Variants in OR10J1 observed in about 807,000 individuals in gnomAD.
OR10J1 encodes olfactory receptor 10J1.
For synonymous variants in OR10J1, 202 were observed against 143.8 expected, an observed-to-expected ratio of 1.40 and a Z score of -2.89; for missense variants, 474 against 376.6, an observed-to-expected ratio of 1.26 and a Z score of -2.14.
At chr1:159,398,522 A>G in the OR10J1 span, among the ~76,000 whole-genome samples, 1 of 152,186 alleles carries the variant, frequency 6.6e-6, no homozygotes, top group Non-Finnish European at 1.5e-5. Flanking sequence ...ACAGGGAAGG[A>G]ATTCAGAATT....
chr1:159,418,186 A>G, the OR10J1 span, among the ~76,000 whole-genome samples: 1 of 152,222 alleles, frequency 6.6e-6, no homozygotes, highest in African/African-American at 2.4e-5. Context: ...GAGAAATTCA[A>G]GCCAGCTGGA....
the OR10J1 span, among the ~76,000 whole-genome samples, chr1:159,416,429 A>G: frequency 6.8e-6 from 1 of 147,818 alleles, no homozygotes; most frequent in African/African-American, 2.5e-5. Context: ...ATCTATTGAG[A>G]TGATCATATT....
At chr1:159,427,945 C>G in the OR10J1 span, among the ~76,000 whole-genome samples, 1 of 151,988 alleles carries the variant, frequency 6.6e-6, no homozygotes, top group Non-Finnish European at 1.5e-5. Flanking sequence ...GAATAAAAAG[C>G]ATATGATTAT....
chr1:159,435,248 C>G (rs1445582568), upstream of OR10J1, among the ~76,000 whole-genome samples: 1 of 152,102 alleles, frequency 6.6e-6, no homozygotes, highest in Non-Finnish European at 1.5e-5. Context: ...TTATGCCCTC[C>G]TTACTGACCT....
chr1:159,438,793 G>A (rs1000355494), upstream of OR10J1, among the ~76,000 whole-genome samples: 1 of 152,164 alleles, frequency 6.6e-6, no homozygotes, highest in Non-Finnish European at 1.5e-5. Context: ...GAAGCTTACT[G>A]TTTAAAGAGA....
chr1:159,422,138 T>G, the OR10J1 span, among the ~76,000 whole-genome samples: 1 of 152,138 alleles, frequency 6.6e-6, no homozygotes, highest in African/African-American at 2.4e-5. Flanking sequence ...TGCCAAACAC[T>G]GTTAGGCTGG....
At chr1:159,408,102 G>C in the OR10J1 span, among the ~76,000 whole-genome samples, 1 of 152,040 alleles carries the variant, frequency 6.6e-6, no homozygotes, top group Non-Finnish European at 1.5e-5. Context: ...GCAGCATCAA[G>C]TATGAGGGCC....
chr1:159,398,533 C>T, the OR10J1 span, among the ~76,000 whole-genome samples: 2 of 152,060 alleles, frequency 1.3e-5, no homozygotes, highest in Non-Finnish European at 2.9e-5. Context: ...ATTCAGAATT[C>T]AATCAGATAT....
the OR10J1 span, among the ~76,000 whole-genome samples, chr1:159,426,762 G>A: frequency 1.3e-5 from 2 of 151,614 alleles, no homozygotes; most frequent in Admixed American, 6.6e-5. Flanking sequence ...TTTTTTCATG[G>A]ACCACAATGC....
upstream of OR10J1, among the ~76,000 whole-genome samples, chr1:159,434,294 G>C (rs924134126): frequency 1.3e-5 from 2 of 152,004 alleles, no homozygotes; most frequent in African/African-American, 4.8e-5. Flanking sequence ...AACTTATACT[G>C]TTCCATACTC....
the OR10J1 span, among the ~76,000 whole-genome samples, chr1:159,430,640 G>GGGGTGTGT: frequency 1.1e-3 from 150 of 140,928 alleles, no homozygotes; most frequent in East Asian, 6.6e-3. Context: ...AAAAAATTAT[G>GGGGTGTGT]GTGTGTGTGT....
At chr1:159,422,073 T>C in the OR10J1 span, among the ~76,000 whole-genome samples, 16,492 of 152,132 alleles carry the variant, frequency 0.11, 1,148 homozygotes, top group East Asian at 0.23. Flanking sequence ...TGCTATCTGT[T>C]GTAGCTGCAG....
chr1:159,398,234 C>T, the OR10J1 span, among the ~76,000 whole-genome samples: 1 of 152,218 alleles, frequency 6.6e-6, no homozygotes, highest in Non-Finnish European at 1.5e-5. Flanking sequence ...TAAATCACAA[C>T]ACCCAAGTCC....
At chr1:159,409,501 T>C in the OR10J1 span, among the ~76,000 whole-genome samples, 3 of 152,102 alleles carry the variant, frequency 2.0e-5, no homozygotes, top group South Asian at 6.2e-4. Context: ...AATTTCTCAC[T>C]GAGACTTACC....
the OR10J1 span, among the ~76,000 whole-genome samples, chr1:159,401,408 A>G: frequency 1.3e-5 from 2 of 152,162 alleles, no homozygotes; most frequent in East Asian, 3.9e-4. Flanking sequence ...ATCAGAAATG[A>G]AGAAGGTGGC....
the OR10J1 span, among the ~76,000 whole-genome samples, chr1:159,417,872 A>G: frequency 3.9e-5 from 6 of 152,216 alleles, no homozygotes; most frequent in Non-Finnish European, 8.8e-5. Flanking sequence ...GGACAATGAA[A>G]TCCAGGCTGT....
rs146285820 is a variant in OR10J1, at chr1:159,439,914, C to T, written c.123C>T (p.Gly41=). The T allele has an allele frequency of 2.8e-5, 45 of 1,614,138 alleles. No individual in the cohort carries two copies. The highest frequency in any genetic ancestry group is 3.3e-4 in the Middle Eastern group (2 of 6,062). The change falls in exon 1 of 1, where the codon GGC becomes GGT. Residue 41 remains glycine, a synonymous_variant. Transcript: ENST00000423932. ...CACTATACATCTTAACCTTAGCAGG[C>T]AATATCATCATTGTGACCATCATCC... The part of the protein sequence containing the change: ...FLALYILTLA[G]NIIIVTIIRM...
At chr1:159,402,783 A>G in the OR10J1 span, among the ~76,000 whole-genome samples, 1 of 152,138 alleles carries the variant, frequency 6.6e-6, no homozygotes, top group African/African-American at 2.4e-5. Context: ...ATGGAATCAC[A>G]AAAGACTCAG....
chr1:159,428,787 T>C, the OR10J1 span, among the ~76,000 whole-genome samples: 1 of 152,208 alleles, frequency 6.6e-6, no homozygotes, highest in Non-Finnish European at 1.5e-5. Context: ...GGAATTGAAC[T>C]GAATGCCTGG....
Sources: allele counts gnomAD v4.1 joint callset (sites outside exome capture counted in the v4.1 genomes callset), GRCh38; gene constraint gnomAD v4.1.1; transcripts MANE v1.5; gene names NCBI Gene and HGNC (gene_info 2026-07-23, HGNC 2026-07-21).